CCDC93: variants seen among roughly 807,000 people sequenced by gnomAD.
CCDC93 encodes coiled-coil domain-containing protein 93.
CCDC93 carries 61 observed loss-of-function variants against 108.2 expected under a neutral mutation model. The observed-to-expected ratio is 0.56, with a 90% CI of 0.46 to 0.70. CCDC93 has a LOEUF of 0.70. Among genes scored for constraint, CCDC93 ranks in the 30% least tolerant of loss-of-function variants. The pLI is 0.00. For missense variants in CCDC93, 685 were observed against 764.2 expected, an observed-to-expected ratio of 0.90 and a Z score of 1.22; for synonymous variants, 276 against 260.4, an observed-to-expected ratio of 1.06 and a Z score of -0.58.
chr2:117,949,409 T>C lies in CCDC93; in HGVS notation c.1069-14A>G. On this transcript the variant is annotated splice_polypyrimidine_tract_variant and intron_variant, in intron 13 of 23. Transcript: ENST00000376300. ...GTAAGTCTTCAGCTGCAAGAGAGAA[T>C]GAAGACATGGTTGCTGGAGCCTTGG... 6.3e-7 allele frequency: 1 copy of C among 1,599,670 alleles called. No homozygotes were observed. Among genetic ancestry groups the C allele is most frequent in the Non-Finnish European group, 8.6e-7 (1 of 1,167,082 alleles).
chr2:118,000,757 C>T (rs1460472418), intron 4 of CCDC93, 64 bp downstream of exon 4: 1 of 1,065,168 alleles, frequency 9.4e-7, no homozygotes, highest in Non-Finnish European at 1.5e-6. Flanking sequence ...CATTACAGGA[C>T]AAGCCAGGCC....
chr2:118,002,259 G>A (rs1676721024), intron 3 of CCDC93, among the ~76,000 whole-genome samples: 1 of 152,138 alleles, frequency 6.6e-6, no homozygotes, highest in African/African-American at 2.4e-5. Flanking sequence ...TTATCTTTCT[G>A]CAGTTCAATA....
chr2:117,976,237 C>A (rs1679939763), intron 8 of CCDC93, among the ~76,000 whole-genome samples: 1 of 152,148 alleles, frequency 6.6e-6, no homozygotes, highest in Non-Finnish European at 1.5e-5. Context: ...AATGACAGGA[C>A]AAGCACAATT....
chr2:117,928,595 A>C (rs1282638919), intron 23 of CCDC93, among the ~76,000 whole-genome samples: 1 of 152,226 alleles, frequency 6.6e-6, no homozygotes, highest in East Asian at 1.9e-4. Flanking sequence ...GCAATCATTA[A>C]AAAGTCAGGA....
chr2:117,949,739 T>A (rs1430861900), intron 13 of CCDC93: 2 of 984,860 alleles, frequency 2.0e-6, no homozygotes, highest in Non-Finnish European at 2.4e-6. Context: ...TTCCAAGAGG[T>A]CTAGTTGAAA....
chr2:117,942,638 G>C (rs1678737955), intron 18 of CCDC93, among the ~76,000 whole-genome samples: 1 of 152,172 alleles, frequency 6.6e-6, no homozygotes, highest in African/African-American at 2.4e-5. Flanking sequence ...GGCTGCTCAG[G>C]TGCATCTTCA....
At chr2:118,003,747 T>A (rs1327698926) in intron 3 of CCDC93, among the ~76,000 whole-genome samples, 1 of 152,074 alleles carries the variant, frequency 6.6e-6, no homozygotes, top group Non-Finnish European at 1.5e-5. Flanking sequence ...ACAACCCTCT[T>A]AAACCCACCT....
intron 6 of CCDC93, among the ~76,000 whole-genome samples, chr2:117,991,761 T>C (rs1680481134): frequency 6.6e-6 from 1 of 152,222 alleles, no homozygotes; most frequent in Non-Finnish European, 1.5e-5. Flanking sequence ...TGACCTTATT[T>C]TATTCCTTAA....
At position 117,974,611 on chromosome 2, in the gene CCDC93, C is replaced by T. The variant is rs1452152543; in HGVS notation, c.801+239G>A. Among the ~76,000 whole-genome samples the T allele has an allele frequency of 3.3e-5, 5 of 152,202 alleles. No homozygotes were observed. The East Asian group carries it at 7.7e-4, about 23-fold the overall frequency. ...AGCTCTTCCGCAGAGGCCCTGTGAACCTCCCAGCAGGAATATTCTGCTTTC... is the reference window on the plus strand; with the variant it reads ...AGCTCTTCCGCAGAGGCCCTGTGAATCTCCCAGCAGGAATATTCTGCTTTC... On this transcript the variant is annotated intron_variant, in intron 10 of 23. Coordinates refer to ENST00000376300, the MANE Select transcript of CCDC93 (RefSeq NM_019044.5).
Position 118,007,732 on chromosome 2 carries a change from C to T in CCDC93, c.156+813G>A, listed in dbSNP as rs942807700. 6.6e-5 allele frequency among the ~76,000 whole-genome samples: 10 copies of T among 152,298 alleles called. No individual in the cohort carries two copies. In the South Asian group the frequency reaches 1.0e-3, roughly 16 times the overall value. The stretch of plus-strand genomic sequence containing the variant: ...TACCCCTGGCTGCTTTAGACTCTTA[C>T]AAGTTGCCCAATAAAAATGCAGATT... On this transcript the variant is annotated intron_variant, in intron 2 of 23. Transcript: ENST00000376300.
At chr2:118,004,468 T>C (rs1365180207) in intron 3 of CCDC93, among the ~76,000 whole-genome samples, 1 of 152,202 alleles carries the variant, frequency 6.6e-6, no homozygotes, top group African/African-American at 2.4e-5. Flanking sequence ...ATGCCGTCAA[T>C]AGGCAAGTGT....
Position 117,975,223 on chromosome 2 carries a change from C to A in CCDC93, c.715G>T (p.Ala239Ser). 1.2e-6 allele frequency: 2 copies of A among 1,613,898 alleles called. No homozygotes were observed. The highest frequency in any genetic ancestry group is 1.7e-6 in the Non-Finnish European group (2 of 1,179,964). ...GCTCGAAGCTCATCTTCCTCGTGGG[C>A]ATCAGCTTTTTCTGTAGCTGACAGC... ...AGLSATEKAD[A>S]HEEDELRAAE... is the part of the protein sequence containing the mutation. Residue 239 changes from alanine (A) to serine (S), a missense_variant, in exon 9 of 24, where the codon GCC becomes TCC. Transcript: ENST00000376300.
At chr2:117,933,590 G>GTA (rs1273804940) in intron 22 of CCDC93, among the ~76,000 whole-genome samples, 2 of 152,046 alleles carry the variant, frequency 1.3e-5, no homozygotes, top group Non-Finnish European at 2.9e-5. Context: ...CCCAGCGCTG[G>GTA]TCTACTATGT....
At chr2:117,983,675 T>G in intron 7 of CCDC93, among the ~76,000 whole-genome samples, 1 of 89,898 alleles carries the variant, frequency 1.1e-5, no homozygotes, top group Admixed American at 1.1e-4. Flanking sequence ...TATATATATA[T>G]ATAGTCATAT....
At chr2:118,010,230 C>T (rs938252459) in intron 1 of CCDC93, among the ~76,000 whole-genome samples, 3 of 152,210 alleles carry the variant, frequency 2.0e-5, no homozygotes, top group Admixed American at 6.5e-5. Context: ...GCTGGGATTA[C>T]AGGCATGAGC....
intron 23 of CCDC93, among the ~76,000 whole-genome samples, chr2:117,930,068 T>C (rs1311210546): frequency 6.6e-6 from 1 of 152,150 alleles, no homozygotes; most frequent in Admixed American, 6.5e-5. Flanking sequence ...AAAGATGAGA[T>C]TTTGAAATGC....
chr2:117,992,187 A>C (rs376207152), intron 6 of CCDC93, among the ~76,000 whole-genome samples: 1 of 152,200 alleles, frequency 6.6e-6, no homozygotes, highest in Non-Finnish European at 1.5e-5. Flanking sequence ...ATAAAAAAGG[A>C]AATAAACTAA....
At chr2:117,995,367 G>A in intron 6 of CCDC93, 79 bp downstream of exon 6, 1 of 1,096,828 alleles carries the variant, frequency 9.1e-7, no homozygotes, top group Non-Finnish European at 1.4e-6. Flanking sequence ...AGCCTCAGGA[G>A]CAGCGCTTTT....
intron 23 of CCDC93, among the ~76,000 whole-genome samples, chr2:117,923,512 T>A (rs1257166991): frequency 6.6e-6 from 1 of 152,178 alleles, no homozygotes; most frequent in Non-Finnish European, 1.5e-5. Context: ...GGAGCTTCAC[T>A]CATTGCTACC....
Sources: allele counts gnomAD v4.1 joint callset (sites outside exome capture counted in the v4.1 genomes callset), GRCh38; gene constraint gnomAD v4.1.1; transcripts MANE v1.5; gene names NCBI Gene and HGNC (gene_info 2026-07-23, HGNC 2026-07-21).